The following DAB1 variants were observed in gnomAD, a reference collection of about 807,000 sequenced individuals.
The protein encoded by DAB1 is disabled homolog 1.
A neutral mutation model predicts 64.6 loss-of-function variants in DAB1; 15 were observed. The observed-to-expected ratio is 0.23, with a 90% CI of 0.16 to 0.36. The LOEUF is 0.36. Ranked by LOEUF, DAB1 falls within the 10% of genes least tolerant of loss-of-function variation. The pLI, the probability that DAB1 is intolerant of heterozygous loss-of-function variation, is 1.00. For missense variants in DAB1, 596 were observed against 706.7 expected, an observed-to-expected ratio of 0.84 and a Z score of 1.78; for synonymous variants, 235 against 251.9, an observed-to-expected ratio of 0.93 and a Z score of 0.64.
intron 4 of DAB1, among the ~76,000 whole-genome samples, chr1:58,182,921 G>A (rs916315954): frequency 6.6e-6 from 1 of 151,750 alleles, no homozygotes; most frequent in African/African-American, 2.4e-5. Flanking sequence ...CATATTATAG[G>A]AATTCTGGAT....
chr1:57,909,097 G>C (rs1265004449), intron 5 of DAB1, among the ~76,000 whole-genome samples: 1 of 152,180 alleles, frequency 6.6e-6, no homozygotes, highest in South Asian at 2.1e-4. Flanking sequence ...CAGGTATCTG[G>C]TGGCCATGAT....
chr1:57,919,066 A>G (rs886817205), intron 5 of DAB1, among the ~76,000 whole-genome samples: 2 of 152,226 alleles, frequency 1.3e-5, no homozygotes, highest in African/African-American at 4.8e-5. Flanking sequence ...GCTTTGGAGT[A>G]AGAGAGACCT....
chr1:57,747,945 A>G (rs1648366197), intron 6 of DAB1, among the ~76,000 whole-genome samples: 1 of 151,976 alleles, frequency 6.6e-6, no homozygotes, highest in Admixed American at 6.6e-5. Flanking sequence ...AAAGACTTGG[A>G]AAGTCTGCTA....
intron 2 of DAB1, among the ~76,000 whole-genome samples, chr1:58,513,356 T>C (rs1367847867): frequency 6.6e-6 from 1 of 152,192 alleles, no homozygotes; most frequent in African/African-American, 2.4e-5. Flanking sequence ...CTTTATAAAT[T>C]ACCCAGTCTT....
intron 3 of DAB1, among the ~76,000 whole-genome samples, chr1:58,430,145 G>A (rs12062550): frequency 0.067 from 10,221 of 152,212 alleles, 469 homozygotes; most frequent in African/African-American, 0.14. Context: ...GGGGCACAAA[G>A]CCAGTGCAAA....
intron 6 of DAB1, among the ~76,000 whole-genome samples, chr1:57,728,589 G>A (rs530292869): frequency 5.3e-5 from 8 of 151,112 alleles, no homozygotes; most frequent in East Asian, 2.0e-4. Context: ...GCAAGACTCC[G>A]TCTCAAAAAA....
intron 6 of DAB1, among the ~76,000 whole-genome samples, chr1:57,731,586 C>T (rs1647420870): frequency 6.6e-6 from 1 of 152,112 alleles, no homozygotes; most frequent in Non-Finnish European, 1.5e-5. Context: ...AGGTAGATCA[C>T]CTGAGGTCAG....
In DAB1 at chr1:57,728,198, C is replaced by A. The variant is rs149927247; in HGVS notation, n.552-78533G>T. Among the ~76,000 whole-genome samples the A allele has an allele frequency of 4.3e-3, 647 of 152,220 alleles. 7 individuals carry two copies. The highest frequency in any genetic ancestry group is 0.015 in the African/African-American group (616 of 41,546). On this transcript the variant is annotated intron_variant and non_coding_transcript_variant, in intron 6 of 20. Coordinates refer to the DAB1 transcript ENST00000485760. The stretch of plus-strand genomic sequence containing the variant: ...TTGTATCAGAAGAGATATGCATGTG[C>A]CTGTTTTTTTCTGCATTAAAACCAA...
intron 6 of DAB1, among the ~76,000 whole-genome samples, chr1:57,777,458 C>T (rs1401156026): frequency 6.6e-6 from 1 of 151,658 alleles, no homozygotes; most frequent in African/African-American, 2.4e-5. Context: ...GCCCCATGGT[C>T]TCTGTCACTG....
At chr1:57,809,292 A>G (rs1175746341) in intron 6 of DAB1, among the ~76,000 whole-genome samples, 1 of 152,218 alleles carries the variant, frequency 6.6e-6, no homozygotes, top group African/African-American at 2.4e-5. Flanking sequence ...ACTAAGAAAT[A>G]CTATTAATTG....
chr1:57,149,973 T>C (rs1281772939), intron 2 of DAB1, among the ~76,000 whole-genome samples: 2 of 152,102 alleles, frequency 1.3e-5, no homozygotes, highest in Non-Finnish European at 2.9e-5. Context: ...GCCCAAGAGG[T>C]AACTAAAGTT....
intron 4 of DAB1, among the ~76,000 whole-genome samples, chr1:58,286,069 G>A (rs1185388451): frequency 2.0e-5 from 3 of 150,632 alleles, no homozygotes; most frequent in East Asian, 2.0e-4. Context: ...TTGGGGAAAG[G>A]ATTCCCTATA....
At chr1:58,313,439 G>A (rs1295253596) in intron 4 of DAB1, among the ~76,000 whole-genome samples, 2 of 152,074 alleles carry the variant, frequency 1.3e-5, no homozygotes, top group African/African-American at 4.8e-5. Flanking sequence ...TAAAGGGATG[G>A]CAGAGAACCA....
chr1:57,646,723 T>A (rs561227281), intron 7 of DAB1, among the ~76,000 whole-genome samples: 2 of 152,242 alleles, frequency 1.3e-5, no homozygotes, highest in South Asian at 4.2e-4. Flanking sequence ...CACCCCAGCA[T>A]GGGTGACAGA....
At chr1:57,673,560 A>G (rs1646532002) in intron 6 of DAB1, among the ~76,000 whole-genome samples, 1 of 152,140 alleles carries the variant, frequency 6.6e-6, no homozygotes, top group Non-Finnish European at 1.5e-5. Context: ...GGATGGATGA[A>G]TGCAGGCTGA....
intron 3 of DAB1, among the ~76,000 whole-genome samples, chr1:58,350,806 A>G (rs145900102): frequency 0.037 from 5,592 of 152,002 alleles, 123 homozygotes; most frequent in Non-Finnish European, 0.055. Context: ...GTTCTGTTCT[A>G]TTGGTCTATA....
chr1:57,445,001 T>C (rs986458867), intron 7 of DAB1, among the ~76,000 whole-genome samples: 3 of 152,194 alleles, frequency 2.0e-5, no homozygotes, highest in Non-Finnish European at 4.4e-5. Context: ...TTGTATACAT[T>C]CATCATTATA....
intron 6 of DAB1, among the ~76,000 whole-genome samples, chr1:57,683,329 G>A (rs1646658752): frequency 6.6e-6 from 1 of 152,154 alleles, no homozygotes. Context: ...TGAGTGCAGT[G>A]TCAGTGATGG....
At chr1:58,501,567 C>A (rs1167120636) in intron 3 of DAB1, among the ~76,000 whole-genome samples, 1 of 152,152 alleles carries the variant, frequency 6.6e-6, no homozygotes, top group Non-Finnish European at 1.5e-5. Context: ...TTGCTCCTGC[C>A]CCACAGCCTT....
Sources: gnomAD v4.1 joint callset for allele counts (sites outside exome capture counted in the v4.1 genomes callset) on GRCh38, gnomAD v4.1.1 for gene constraint, MANE v1.5 for transcripts, NCBI Gene and HGNC (gene_info 2026-07-23, HGNC 2026-07-21) for gene names.